The following EDNRA variants were observed in gnomAD, a reference collection of about 807,000 sequenced individuals.
EDNRA encodes the protein endothelin receptor type A, also known as endothelin-1 receptor.
A neutral mutation model predicts 41.4 loss-of-function variants in EDNRA; 11 were observed. The ratio of observed to expected loss-of-function variants is 0.27; its 90% CI spans 0.17 to 0.44. The LOEUF (loss-of-function observed/expected upper bound fraction) is 0.44. Ranked by LOEUF, EDNRA falls within the 20% of genes least tolerant of loss-of-function variation. The pLI is 1.00. For missense variants in EDNRA, 294 were observed against 531.0 expected, an observed-to-expected ratio of 0.55 and a Z score of 4.39; for synonymous variants, 172 against 183.0, an observed-to-expected ratio of 0.94 and a Z score of 0.49.
At chr4:147,487,327 A>G (rs1728981612) in intron 2 of EDNRA, among the ~76,000 whole-genome samples, 1 of 152,220 alleles carries the variant, frequency 6.6e-6, no homozygotes, top group South Asian at 2.1e-4. Context: ...TACATATTCC[A>G]TATTTGGTCT....
intron 3 of EDNRA, chr4:147,520,462 A>G (rs779310190): frequency 3.1e-5 from 16 of 518,936 alleles, no homozygotes; most frequent in African/African-American, 1.5e-4. Flanking sequence ...GTGCAACACC[A>G]GAAGCATCCC....
intron 2 of EDNRA, among the ~76,000 whole-genome samples, chr4:147,515,537 A>G (rs1474837398): frequency 1.3e-5 from 2 of 152,134 alleles, no homozygotes; most frequent in African/African-American, 2.4e-5. Flanking sequence ...TGGATGTGCA[A>G]TGGGCCAGAG....
At chr4:147,537,548 G>T (rs1380566352) in intron 5 of EDNRA, among the ~76,000 whole-genome samples, 1 of 152,114 alleles carries the variant, frequency 6.6e-6, no homozygotes, top group African/African-American at 2.4e-5. Context: ...GGTATTTGCT[G>T]TGGAAATAAT....
At chr4:147,495,912 TAAA>T (rs1729285639) in intron 2 of EDNRA, 1 of 152,224 alleles carries the variant, frequency 6.6e-6, no homozygotes, top group Admixed American at 6.5e-5. Context: ...AACTGATCAT[TAAA>T]AAGATGCCAG....
At chr4:147,520,411 C>T (rs1449389664) in intron 3 of EDNRA, 1 of 519,176 alleles carries the variant, frequency 1.9e-6, no homozygotes, top group South Asian at 1.4e-5. Flanking sequence ...CTTCACCCTG[C>T]CTTTTTGAAA....
chr4:147,484,252 A>G (rs191531559), intron 1 of EDNRA, among the ~76,000 whole-genome samples: 2 of 152,004 alleles, frequency 1.3e-5, no homozygotes, highest in Admixed American at 6.5e-5. Context: ...GCTCTCTGCA[A>G]GTGACTTAAA....
At chr4:147,537,819 C>T (rs968448263) in intron 5 of EDNRA, among the ~76,000 whole-genome samples, 3 of 151,678 alleles carry the variant, frequency 2.0e-5, no homozygotes, top group East Asian at 3.9e-4. Flanking sequence ...ATGCAGTTAA[C>T]GTTCCTTTTG....
intron 2 of EDNRA, chr4:147,492,109 A>G (rs1249040090): frequency 6.6e-6 from 1 of 152,216 alleles, no homozygotes; most frequent in Non-Finnish European, 1.5e-5. Context: ...TTTGGCAAGT[A>G]TCCATGATCC....
intron 3 of EDNRA, among the ~76,000 whole-genome samples, chr4:147,528,442 C>A (rs1228570977): frequency 6.7e-6 from 1 of 150,194 alleles, no homozygotes; most frequent in Admixed American, 6.6e-5. Flanking sequence ...GCTGCAGGCT[C>A]AACCTCCCTG....
At chr4:147,515,739 A>G (rs985613203) in intron 2 of EDNRA, among the ~76,000 whole-genome samples, 1 of 152,172 alleles carries the variant, frequency 6.6e-6, no homozygotes, top group Non-Finnish European at 1.5e-5. Flanking sequence ...ATGTAAACAG[A>G]TATGTTCCCC....
At chr4:147,516,557 G>A (rs1730123080) in intron 2 of EDNRA, among the ~76,000 whole-genome samples, 1 of 152,164 alleles carries the variant, frequency 6.6e-6, no homozygotes, top group East Asian at 1.9e-4. Flanking sequence ...GCTAGGTACT[G>A]TGTAATGTCC....
chr4:147,535,133 T>C lies in EDNRA; in HGVS notation c.748-744T>C, dbSNP rs555698855. Among the ~76,000 whole-genome samples the C allele has an allele frequency of 1.2e-4, 19 of 152,330 alleles. No individual in the cohort carries two copies. The East Asian group carries it at 3.1e-3, about 25-fold the overall frequency. On this transcript the variant is annotated intron_variant, in intron 4 of 7. Transcript: ENST00000651419. ...TTTTGTGGGAAGAAGAATTTAGATA[T>C]CATTTTTCATTTTCCATTTTTATAG...
chr4:147,483,967 T>G (rs1421843965), intron 1 of EDNRA, among the ~76,000 whole-genome samples: 1 of 152,096 alleles, frequency 6.6e-6, no homozygotes, highest in African/African-American at 2.4e-5. Context: ...GTGATCCTCC[T>G]GCTTTGGCCT....
chr4:147,490,918 T>G (rs570722539), intron 2 of EDNRA: 2 of 152,046 alleles, frequency 1.3e-5, no homozygotes, highest in Non-Finnish European at 2.9e-5. Flanking sequence ...TGCAGGGAGA[T>G]GTATGTATGA....
At chr4:147,492,565 T>C (rs1729172227) in intron 2 of EDNRA, 1 of 152,178 alleles carries the variant, frequency 6.6e-6, no homozygotes, top group South Asian at 2.1e-4. Context: ...ACTATTTCTG[T>C]GCATTCTTTA....
intron 2 of EDNRA, chr4:147,489,763 C>T (rs1482653975): frequency 6.6e-6 from 1 of 152,096 alleles, no homozygotes; most frequent in South Asian, 2.1e-4. Flanking sequence ...GAGCTTCTTC[C>T]CCATAACATA....
intron 3 of EDNRA, among the ~76,000 whole-genome samples, chr4:147,530,320 G>A (rs1012042667): frequency 1.3e-5 from 2 of 152,136 alleles, no homozygotes; most frequent in African/African-American, 4.8e-5. Context: ...TAGACATCCT[G>A]TCTCCATTCC....
intron 4 of EDNRA, among the ~76,000 whole-genome samples, chr4:147,534,440 A>G (rs941697026): frequency 6.6e-6 from 1 of 152,318 alleles, no homozygotes; most frequent in Admixed American, 6.5e-5. Context: ...GGATCTGTGA[A>G]CTTGGTTGGA....
At chr4:147,520,123 GT>G in intron 3 of EDNRA, 145 bp downstream of exon 3, 1 of 1,127,514 alleles carries the variant, frequency 8.9e-7, no homozygotes, top group Non-Finnish European at 1.3e-6. Context: ...TGCCTTTGCT[GT>G]TTAGAATTGC....
Sources: gnomAD v4.1 joint callset for allele counts (sites outside exome capture counted in the v4.1 genomes callset) on GRCh38, gnomAD v4.1.1 for gene constraint, MANE v1.5 for transcripts, NCBI Gene and HGNC (gene_info 2026-07-23, HGNC 2026-07-21) for gene names.